The following ACOT7 variants were observed in gnomAD, a reference collection of about 807,000 sequenced individuals.
ACOT7 encodes acyl-CoA thioesterase 7.
In ACOT7, 12 loss-of-function variants were observed where a neutral mutation model predicts 40.2. That is an observed-to-expected ratio of 0.30 (90% confidence interval 0.19 to 0.48). The LOEUF (loss-of-function observed/expected upper bound fraction) is 0.48. Among genes scored for constraint, ACOT7 ranks in the 20% least tolerant of loss-of-function variants. The pLI, the probability that ACOT7 is intolerant of heterozygous loss-of-function variation, is 0.99. For synonymous variants in ACOT7, 228 were observed against 219.5 expected (o/e 1.04, Z -0.34); for missense variants, 395 against 530.8 (o/e 0.74, Z 2.51).
Position 6,393,476 on chromosome 1 carries a change from C to G in ACOT7, c.-77G>C. On this transcript the variant is annotated 5_prime_UTR_variant, in exon 1 of 9. Transcript: ENST00000361521. Reference sequence around the variant, plus strand: ...CGCCGGGGGCAATCGAACGCGGCCTCCCCGCGCCGACCCCGCCCCCGCGCC... The same window carrying G: ...CGCCGGGGGCAATCGAACGCGGCCTGCCCGCGCCGACCCCGCCCCCGCGCC... 1.7e-6 allele frequency: 2 copies of G among 1,177,172 alleles called. No individual in the cohort carries two copies. Among genetic ancestry groups the G allele is most frequent in the Non-Finnish European group, 2.1e-6 (2 of 943,082 alleles). The allele number at this position is 1,177,172 out of a possible 1,614,324, so 72.9% of individuals were successfully genotyped here.
intron 4 of ACOT7, among the ~76,000 whole-genome samples, chr1:6,327,649 T>G (rs1264773915): frequency 6.6e-6 from 1 of 152,222 alleles, no homozygotes; most frequent in Non-Finnish European, 1.5e-5. Flanking sequence ...TGGAATTGCT[T>G]TAATGCCTAC....
In ACOT7 at chr1:6,393,612, G is replaced by C. The variant is rs952967296; in HGVS notation, c.-213C>G. ...GGCAGCCGCCGCTTCCAGAAGGTTC[G>C]GTGGCGGTTGGGCCGCGCCGGTGCG... On this transcript the variant is annotated 5_prime_UTR_variant, in exon 1 of 9. Coordinates refer to ENST00000361521, the MANE Select transcript of ACOT7 (RefSeq NM_007274.4). 1 of 352,662 alleles carries C rather than the reference G, an allele frequency of 2.8e-6. No homozygotes were observed. Among genetic ancestry groups the C allele is most frequent in the African/African-American group, 2.2e-5 (1 of 46,294 alleles). 21.8% of individuals were successfully genotyped at this position (352,662 alleles called of 1,614,324 possible). A position where few individuals can be genotyped will look rare whatever the true frequency, so the allele number is the denominator to read the frequency against.
intron 5 of ACOT7, among the ~76,000 whole-genome samples, chr1:6,323,733 AAAAAATATATATATAT>A (rs60812957): frequency 0.011 from 812 of 76,730 alleles, 5 homozygotes; most frequent in African/African-American, 0.044. Context: ...AAAAAAAAAA[AAAAAATATATATATAT>A]ATATATATAT....
chr1:6,322,147 C>G lies in ACOT7; in HGVS notation c.626-3569G>C, dbSNP rs144608873. ...GGGCTCCTTCCCAAAAGCCTTGGCA[C>G]TTGGAGGGGTCTGTTGGTTGGCTTT... On this transcript the variant is annotated intron_variant, in intron 5 of 8. Transcript: ENST00000361521. 3.4e-3 allele frequency among the ~76,000 whole-genome samples: 499 copies of G among 146,828 alleles called. 2 individuals are homozygous for G. Among genetic ancestry groups the G allele is most frequent in the South Asian group, 7.9e-3 (37 of 4,668 alleles).
intron 6 of ACOT7, among the ~76,000 whole-genome samples, chr1:6,307,921 C>T (rs1206588735): frequency 6.7e-6 from 1 of 149,698 alleles, no homozygotes; most frequent in Non-Finnish European, 1.5e-5. Flanking sequence ...GAGGGAACCA[C>T]AAACAGGCAG....
rs201218095 is a variant in ACOT7 at position 6,340,069 on chromosome 1, C to T, written c.262-480G>A. On this transcript the variant is annotated intron_variant, in intron 2 of 8. Transcript: ENST00000361521. ...CAAGCGCCGCCTCCCAGATTCACGC[C>T]ATTCTCCTGCCTCAGCCTCCCGAGT... 1.1e-4 allele frequency among the ~76,000 whole-genome samples: 17 copies of T among 151,812 alleles called. No individual in the cohort carries two copies. The East Asian group carries it at 3.3e-3, about 29-fold the overall frequency.
chr1:6,378,518 AG>A (rs2148478322), intron 1 of ACOT7, among the ~76,000 whole-genome samples: 2 of 151,988 alleles, frequency 1.3e-5, no homozygotes, highest in East Asian at 3.9e-4. Flanking sequence ...TACTCTCCCA[AG>A]GCTCAGAGAA....
intron 1 of ACOT7, among the ~76,000 whole-genome samples, chr1:6,386,566 A>G (rs1368036667): frequency 6.6e-6 from 1 of 152,058 alleles, no homozygotes; most frequent in Non-Finnish European, 1.5e-5. Flanking sequence ...CCTTGTGAAA[A>G]ACCTAAAGGA....
intron 6 of ACOT7, 91 bp downstream of exon 6, chr1:6,318,400 GC>G (rs1395298144): frequency 5.9e-6 from 8 of 1,366,230 alleles, no homozygotes; most frequent in Non-Finnish European, 8.2e-6. Context: ...AAACACAAGA[GC>G]CTCAAGTGTG....
rs547931138 is a variant in ACOT7 at position 6,267,926 on chromosome 1, G to A, written c.1015-3231C>T. ...AATGTCCACCTCACAGCAGAGTTGC[G>A]GGGACCAAATTTCTCCCTGCAGCCC... On this transcript the variant is annotated intron_variant, in intron 8 of 8. Coordinates refer to ENST00000361521, the MANE Select transcript of ACOT7 (RefSeq NM_007274.4). 2.5e-4 allele frequency among the ~76,000 whole-genome samples: 38 copies of A among 152,178 alleles called. No individual in the cohort carries two copies. In the South Asian group the frequency reaches 7.1e-3, roughly 28 times the overall value.
At chr1:6,265,893 CAA>C (rs994172622) in intron 8 of ACOT7, among the ~76,000 whole-genome samples, 10 of 152,184 alleles carry the variant, frequency 6.6e-5, no homozygotes, top group Admixed American at 6.5e-4. Context: ...GGTATATTGG[CAA>C]GAGAGAGCGC....
intron 1 of ACOT7, among the ~76,000 whole-genome samples, chr1:6,362,621 C>T (rs763619945): frequency 5.9e-5 from 9 of 152,236 alleles, no homozygotes; most frequent in Non-Finnish European, 1.0e-4. Context: ...AACTCCGCAA[C>T]GACATGCCCT....
Position 6,278,350 on chromosome 1 carries a change from G to A in ACOT7, c.1014+2752C>T, listed in dbSNP as rs1253159884. Among the ~76,000 whole-genome samples, 1 of 152,152 alleles carries A rather than the reference G, an allele frequency of 6.6e-6. No homozygotes were observed. Among genetic ancestry groups the A allele is most frequent in the Non-Finnish European group, 1.5e-5 (1 of 68,042 alleles). ...GATGACCAGTTTCCTGGGCTGCAGGGAAGGGTCACATTGAGAGCACCAGGA... is the reference window on the plus strand; with the variant it reads ...GATGACCAGTTTCCTGGGCTGCAGGAAAGGGTCACATTGAGAGCACCAGGA... On this transcript the variant is annotated intron_variant, in intron 8 of 8. Transcript: ENST00000361521. The surrounding 1 kb of genome is among the most constrained non-coding windows in gnomAD (Gnocchi z 4.1).
intron 1 of ACOT7, among the ~76,000 whole-genome samples, chr1:6,367,775 G>A (rs929716330): frequency 2.6e-5 from 4 of 152,226 alleles, no homozygotes; most frequent in African/African-American, 9.6e-5. Flanking sequence ...TGGCAACGTG[G>A]CAAGAAGGGG....
intron 1 of ACOT7, among the ~76,000 whole-genome samples, chr1:6,378,411 C>CA (rs1464582794): frequency 6.6e-6 from 1 of 151,976 alleles, no homozygotes; most frequent in African/African-American, 2.4e-5. Context: ...CCCATGGGGG[C>CA]AGGTACCGTT....
Position 6,276,651 on chromosome 1 carries a change from C to T in ACOT7, c.1014+4451G>A, listed in dbSNP as rs187983374. ...CCAGGGCACATCTGGAGGGACGGAA[C>T]GCACATGCAGGTTCACCGCACGGAG... On this transcript the variant is annotated intron_variant, in intron 8 of 8. Coordinates refer to ENST00000361521, the MANE Select transcript of ACOT7 (RefSeq NM_007274.4). 2.1e-3 allele frequency among the ~76,000 whole-genome samples: 314 copies of T among 152,132 alleles called. 1 individual carries two copies. The highest frequency in any genetic ancestry group is 7.2e-3 in the African/African-American group (300 of 41,500).
intron 5 of ACOT7, among the ~76,000 whole-genome samples, chr1:6,320,756 CTGTTGTA>C (rs1640622119): frequency 1.3e-5 from 2 of 152,180 alleles, no homozygotes; most frequent in Admixed American, 6.5e-5. Flanking sequence ...CACCAGATCC[CTGTTGTA>C]TTCTTTGCAC....
chr1:6,324,623 C>T (rs1640749415), intron 5 of ACOT7, among the ~76,000 whole-genome samples: 2 of 152,188 alleles, frequency 1.3e-5, no homozygotes, highest in Non-Finnish European at 2.9e-5. Context: ...CCCCCGGGGT[C>T]TGGCACCTAC....
chr1:6,303,873 C>T (rs879629971), intron 6 of ACOT7, among the ~76,000 whole-genome samples: 9 of 152,120 alleles, frequency 5.9e-5, no homozygotes, highest in Non-Finnish European at 7.4e-5. Flanking sequence ...GAGCTGCCCA[C>T]GCCCATTGAT....
Sources: gnomAD v4.1 joint callset for allele counts (sites outside exome capture counted in the v4.1 genomes callset) on GRCh38, gnomAD v4.1.1 for gene constraint, Gnocchi (gnomAD v3.1) non-coding constraint, MANE v1.5 for transcripts, NCBI Gene and HGNC (gene_info 2026-07-23, HGNC 2026-07-21) for gene names.